CCDC60: variants seen among roughly 807,000 people sequenced by gnomAD.
The protein encoded by CCDC60 is coiled-coil domain containing 60.
CCDC60 carries 54 observed loss-of-function variants against 63.5 expected under a neutral mutation model. The ratio of observed to expected loss-of-function variants is 0.85; its 90% CI spans 0.68 to 1.07. CCDC60 has a LOEUF of 1.07. Among genes scored for constraint, CCDC60 ranks in the 50% least tolerant of loss-of-function variants. The probability of loss-of-function intolerance (pLI) is 0.00; values close to 1 mark genes in which losing one functional copy is unlikely to be tolerated. For synonymous variants in CCDC60, 206 were observed against 238.8 expected, an observed-to-expected ratio of 0.86 and a Z score of 1.27; for missense variants, 651 against 684.3, an observed-to-expected ratio of 0.95 and a Z score of 0.54.
At chr12:119,350,229 G>A (rs573753278) in intron 1 of CCDC60, among the ~76,000 whole-genome samples, 47 of 151,028 alleles carry the variant, frequency 3.1e-4, no homozygotes, top group African/African-American at 1.0e-3. Context: ...ACAGAGTCTC[G>A]CTCTGTCACC....
chr12:119,468,370 G>A (rs1407835850), intron 2 of CCDC60, among the ~76,000 whole-genome samples: 1 of 152,136 alleles, frequency 6.6e-6, no homozygotes, highest in East Asian at 1.9e-4. Context: ...GTGATAACAG[G>A]TTACCCACTC....
chr12:119,520,201 G>A lies in CCDC60; in HGVS notation c.1040+9G>A. ...ACCACTCTCAAATCAAGGTAGGAAA[G>A]CCTGGAGCCTGCAGCAGGTGCCTCC... On this transcript the variant is annotated intron_variant, in intron 9 of 13. Coordinates refer to ENST00000327554, the MANE Select transcript of CCDC60 (RefSeq NM_178499.5). 6.2e-7 allele frequency: 1 copy of A among 1,612,920 alleles called. No individual in the cohort carries two copies. The highest frequency in any genetic ancestry group is 8.5e-7 in the Non-Finnish European group (1 of 1,179,374).
In CCDC60 at chr12:119,520,225, C is replaced by T. The variant is rs1477591786; in HGVS notation, c.1040+33C>T. Reference sequence around the variant, plus strand: ...AGCCTGGAGCCTGCAGCAGGTGCCTCCGAAGGCAGCCCACACTTACAGGGG... The same window carrying T: ...AGCCTGGAGCCTGCAGCAGGTGCCTTCGAAGGCAGCCCACACTTACAGGGG... On this transcript the variant is annotated intron_variant, in intron 9 of 13. Coordinates refer to ENST00000327554, the MANE Select transcript of CCDC60 (RefSeq NM_178499.5). The T allele has an allele frequency of 1.9e-6, 3 of 1,584,798 alleles. No individual in the cohort carries two copies. In the Admixed American group the frequency reaches 5.0e-5, roughly 27 times the overall value.
At chr12:119,485,197 A>G (rs1951406491) in intron 4 of CCDC60, among the ~76,000 whole-genome samples, 2 of 152,258 alleles carry the variant, frequency 1.3e-5, no homozygotes, top group Non-Finnish European at 2.9e-5. Flanking sequence ...AAGAAAACTG[A>G]GGCTCAAAGA....
intron 5 of CCDC60, among the ~76,000 whole-genome samples, chr12:119,497,844 T>C (rs1383335405): frequency 6.6e-6 from 1 of 152,150 alleles, no homozygotes; most frequent in Non-Finnish European, 1.5e-5. Context: ...GACTGAAGGA[T>C]TGCTCCTTCT....
chr12:119,337,753 G>A (rs764575784), intron 1 of CCDC60, among the ~76,000 whole-genome samples: 1 of 151,936 alleles, frequency 6.6e-6, no homozygotes, highest in Non-Finnish European at 1.5e-5. Flanking sequence ...TGTTGAGGAA[G>A]TATCAGAGGG....
chr12:119,384,091 G>T (rs1330040055), intron 1 of CCDC60, among the ~76,000 whole-genome samples: 1 of 152,118 alleles, frequency 6.6e-6, no homozygotes, highest in Non-Finnish European at 1.5e-5. Flanking sequence ...AACTACTTGG[G>T]AGGCTGAGGC....
intron 2 of CCDC60, among the ~76,000 whole-genome samples, chr12:119,451,231 G>A (rs192289954): frequency 6.6e-6 from 1 of 152,218 alleles, no homozygotes; most frequent in Non-Finnish European, 1.5e-5. Context: ...TTGGTGCAAG[G>A]TGGAAGAGCA....
chr12:119,384,350 T>C (rs1956039018), intron 1 of CCDC60, among the ~76,000 whole-genome samples: 1 of 152,216 alleles, frequency 6.6e-6, no homozygotes, highest in African/African-American at 2.4e-5. Context: ...GGAGCACAGC[T>C]CAGGCCTTCT....
rs192857459 is a variant in CCDC60 at position 119,533,397 on chromosome 12, T to C, written c.1551+2334T>C. 3.7e-3 allele frequency among the ~76,000 whole-genome samples: 571 copies of C among 152,354 alleles called. 2 individuals are homozygous for C. Among genetic ancestry groups the C allele is most frequent in the Middle Eastern group, 6.8e-3 (2 of 294 alleles). On this transcript the variant is annotated intron_variant, in intron 13 of 13. Transcript: ENST00000327554. ...TGTTCACTATGATGATAGTTTCTTTTGCTGTGCAGAAGCTCTTTAGTTTAA... is the reference window on the plus strand; with the variant it reads ...TGTTCACTATGATGATAGTTTCTTTCGCTGTGCAGAAGCTCTTTAGTTTAA...
intron 3 of CCDC60, among the ~76,000 whole-genome samples, chr12:119,477,958 G>T (rs1566030823): frequency 1.3e-5 from 2 of 151,338 alleles, no homozygotes; most frequent in Non-Finnish European, 2.9e-5. Flanking sequence ...GAAAGAGAGA[G>T]AAAAAGAGAG....
At chr12:119,470,142 T>C (rs1177512360) in intron 2 of CCDC60, among the ~76,000 whole-genome samples, 1 of 152,226 alleles carries the variant, frequency 6.6e-6, no homozygotes, top group Non-Finnish European at 1.5e-5. Flanking sequence ...CATTTACACC[T>C]GATATTCCAT....
intron 1 of CCDC60, among the ~76,000 whole-genome samples, chr12:119,349,288 C>T (rs982688554): frequency 1.2e-4 from 18 of 151,038 alleles, no homozygotes; most frequent in Non-Finnish European, 2.2e-4. Flanking sequence ...TATAACTGTT[C>T]ACTTCTGGCT....
intron 1 of CCDC60, among the ~76,000 whole-genome samples, chr12:119,388,822 T>C (rs1323366036): frequency 6.6e-6 from 1 of 152,238 alleles, no homozygotes; most frequent in Non-Finnish European, 1.5e-5. Context: ...TATGGTGACA[T>C]GCTTTCTAAA....
At chr12:119,485,985 C>T (rs926645936) in intron 4 of CCDC60, among the ~76,000 whole-genome samples, 1 of 152,110 alleles carries the variant, frequency 6.6e-6, no homozygotes, top group Non-Finnish European at 1.5e-5. Flanking sequence ...CCCTCCCCAC[C>T]CCACATATCC....
At chr12:119,520,276 A>C in intron 9 of CCDC60, 84 bp downstream of exon 9, 1 of 1,153,598 alleles carries the variant, frequency 8.7e-7, no homozygotes, top group Non-Finnish European at 1.3e-6. Context: ...TCCTCCCCAG[A>C]CCATGGAAAG....
At chr12:119,339,224 G>C (rs187653177) in intron 1 of CCDC60, among the ~76,000 whole-genome samples, 23 of 152,190 alleles carry the variant, frequency 1.5e-4, no homozygotes, top group African/African-American at 5.3e-4. Flanking sequence ...ACGGACCCAC[G>C]ATTTCTGCCT....
chr12:119,533,055 T>C (rs1935565150), intron 13 of CCDC60, among the ~76,000 whole-genome samples: 1 of 152,208 alleles, frequency 6.6e-6, no homozygotes, highest in African/African-American at 2.4e-5. Flanking sequence ...GCATTCCTAT[T>C]TCTCCACATC....
At position 119,456,848 on chromosome 12, in the gene CCDC60, T is replaced by A. The variant is rs1462760594; in HGVS notation, c.171-15146T>A. 6.6e-6 allele frequency among the ~76,000 whole-genome samples: 1 copy of A among 152,176 alleles called. No homozygotes were observed. Among genetic ancestry groups the A allele is most frequent in the Non-Finnish European group, 1.5e-5 (1 of 68,034 alleles). On this transcript the variant is annotated intron_variant, in intron 2 of 13. Coordinates refer to ENST00000327554, the MANE Select transcript of CCDC60 (RefSeq NM_178499.5). This position sits in a 1 kb window ranked among gnomAD's most constrained non-coding sequence, Gnocchi z 4.6. ...GTCGCCATCTTGGTTTTGGTGAGAT[T>A]TAGCTGGCTTCTTTACTGCAACCTG...
Sources: gnomAD v4.1 joint callset for allele counts (sites outside exome capture counted in the v4.1 genomes callset) on GRCh38, gnomAD v4.1.1 for gene constraint, Gnocchi (gnomAD v3.1) non-coding constraint, MANE v1.5 for transcripts, NCBI Gene and HGNC (gene_info 2026-07-23, HGNC 2026-07-21) for gene names.